The following COPG2 variants were observed in gnomAD, a reference collection of about 807,000 sequenced individuals.
COPG2 encodes the protein coatomer subunit gamma-2.
In COPG2, 37 loss-of-function variants were observed where a neutral mutation model predicts 46.3. The ratio of observed to expected loss-of-function variants is 0.80; its 90% CI spans 0.61 to 1.05. The LOEUF (loss-of-function observed/expected upper bound fraction) is 1.05, where lower values mean the gene tolerates loss of function less well. Ranked by LOEUF, COPG2 falls within the 50% of genes least tolerant of loss-of-function variation. The pLI is 0.00. For synonymous variants in COPG2, 159 were observed against 129.7 expected, an observed-to-expected ratio of 1.23 and a Z score of -1.53; for missense variants, 427 against 387.8, an observed-to-expected ratio of 1.10 and a Z score of -0.85.
At chr7:130,631,172 C>CTTTTT (rs55966949) in intron 5 of COPG2, among the ~76,000 whole-genome samples, 7 of 102,310 alleles carry the variant, frequency 6.8e-5, no homozygotes, top group East Asian at 2.7e-4. Flanking sequence ...TTTTTCTTTT[C>CTTTTT]TTTTTTTTTT....
chr7:130,517,982 G>A (rs1799692859), intron 20 of COPG2, among the ~76,000 whole-genome samples: 1 of 152,228 alleles, frequency 6.6e-6, no homozygotes, highest in South Asian at 2.1e-4. Flanking sequence ...GCCTGAATAC[G>A]AGCAGGAGCC....
chr7:130,539,234 G>C (rs1799912612), intron 20 of COPG2, among the ~76,000 whole-genome samples: 1 of 152,120 alleles, frequency 6.6e-6, no homozygotes, highest in Non-Finnish European at 1.5e-5. Flanking sequence ...GGCTCACTGG[G>C]ACCCTATCCA....
chr7:130,506,762 C>A lies in COPG2; in HGVS notation c.2530G>T (p.Ala844Ser). Residue 844 changes from alanine to serine, a missense_variant, in exon 24 of 24, where the codon GCC (alanine) becomes TCC (serine). Coordinates refer to ENST00000425248, the MANE Select transcript of COPG2 (RefSeq NM_012133.6). ...GYDLLVRSRL[A>S]LADGVTMQVT... is the part of the protein sequence containing the mutation. ...TGCATGGTCACTCCATCGGCTAAGG[C>A]CAGCCTGGACCTCACCAATAAATCA... The A allele has an allele frequency of 1.3e-6, 1 of 780,536 alleles. No individual in the cohort carries two copies. 48.4% of individuals were successfully genotyped at this position (780,536 alleles called of 1,614,324 possible). A position where few individuals can be genotyped will look rare whatever the true frequency, so the allele number is the denominator to read the frequency against.
intron 9 of COPG2, among the ~76,000 whole-genome samples, chr7:130,584,013 A>G (rs1286558721): frequency 6.6e-6 from 1 of 151,804 alleles, no homozygotes; most frequent in Non-Finnish European, 1.5e-5. Flanking sequence ...TAACAAAAAA[A>G]GAAAACTACA....
At chr7:130,644,715 T>C (rs189311939) in intron 5 of COPG2, among the ~76,000 whole-genome samples, 46 of 152,336 alleles carry the variant, frequency 3.0e-4, no homozygotes, top group Non-Finnish European at 4.3e-4. Flanking sequence ...CAGGAACTCA[T>C]TGCCTTGTTG....
At chr7:130,663,302 T>C (rs1406703779) in intron 3 of COPG2, among the ~76,000 whole-genome samples, 1 of 152,146 alleles carries the variant, frequency 6.6e-6, no homozygotes, top group East Asian at 1.9e-4. Context: ...AAACTTTTAG[T>C]AGAAAGTATC....
rs5887469 is a variant in COPG2 at position 130,607,240 on chromosome 7, CATAAATAAATAA to C, written c.737+3701_737+3712del. On this transcript the variant is annotated intron_variant, in intron 9 of 23. Coordinates refer to ENST00000425248, the MANE Select transcript of COPG2 (RefSeq NM_012133.6). ...TTCACAACAGAGTGAGAGAGACTGTCATAAATAAATAAATAAATAAATAAATAAATAAATAAA... is the reference window on the plus strand; with the variant it reads ...TTCACAACAGAGTGAGAGAGACTGTCATAAATAAATAAATAAATAAATAAA... Among the ~76,000 whole-genome samples, 386 of 145,956 alleles carry C rather than the reference CATAAATAAATAA, an allele frequency of 2.6e-3. 3 individuals carry two copies. In the East Asian group the frequency reaches 0.034, roughly 13 times the overall value.
chr7:130,666,620 A>G (rs1796082272), intron 3 of COPG2, among the ~76,000 whole-genome samples: 1 of 152,186 alleles, frequency 6.6e-6, no homozygotes, highest in Admixed American at 6.5e-5. Context: ...AAAAATCTGA[A>G]ATCCAAAACA....
In COPG2 at chr7:130,561,204, G is replaced by C. The variant is rs963944593; in HGVS notation, c.957C>G (p.Pro319=). ...RTLNKVAMKH[P]SAVTACNLDL... is the part of the protein sequence containing the mutation. ...CCAGATTGCAGGCAGTAACAGCAGAGGGGTGCTTCATTGCCACCTTGTGGA... is the reference window on the plus strand; with the variant it reads ...CCAGATTGCAGGCAGTAACAGCAGACGGGTGCTTCATTGCCACCTTGTGGA... Residue 319 remains proline, a synonymous_variant, in exon 12 of 24, where the codon CCC becomes CCG. Transcript: ENST00000425248. 7.5e-6 allele frequency: 3 copies of C among 398,520 alleles called. No individual in the cohort carries two copies. The highest frequency in any genetic ancestry group is 1.3e-5 in the Non-Finnish European group (3 of 226,028). The allele number at this position is 398,520 out of a possible 1,614,324, so 24.7% of individuals were successfully genotyped here. A position where few individuals can be genotyped will look rare whatever the true frequency, so the allele number is the denominator to read the frequency against.
rs201033962 is a variant in COPG2, at chr7:130,626,980, GCTCAAGCAATT to G, written c.324-9926_324-9916del. On this transcript the variant is annotated intron_variant, in intron 5 of 23. Transcript: ENST00000425248. ...CTCATGGCAAACCTCCACCTCCCAGGCTCAAGCAATTCTCTCATCTCAGCCTCCTGAGTAGC... is the reference window on the plus strand; with the variant it reads ...CTCATGGCAAACCTCCACCTCCCAGGCTCTCATCTCAGCCTCCTGAGTAGC... Among the ~76,000 whole-genome samples, 3 of 152,080 alleles carry G rather than the reference GCTCAAGCAATT, an allele frequency of 2.0e-5. No homozygotes were observed. In the East Asian group the frequency reaches 5.8e-4, roughly 29 times the overall value.
intron 5 of COPG2, among the ~76,000 whole-genome samples, chr7:130,651,532 C>T (rs1242512349): frequency 7.9e-4 from 69 of 87,418 alleles, no homozygotes; most frequent in African/African-American, 2.9e-3. Flanking sequence ...TTTTTTGAGA[C>T]GGAGTCTCGC....
chr7:130,608,512 G>C (rs1277721805), intron 9 of COPG2, among the ~76,000 whole-genome samples: 1 of 151,952 alleles, frequency 6.6e-6, no homozygotes, highest in Non-Finnish European at 1.5e-5. Flanking sequence ...AATCCTTTCG[G>C]GTTTTTGTTT....
chr7:130,645,299 C>T, intron 5 of COPG2: 3 of 609,870 alleles, frequency 4.9e-6, no homozygotes, highest in South Asian at 2.7e-5. Context: ...TCCTTCACGA[C>T]GCAATGGGAG....
intron 5 of COPG2, among the ~76,000 whole-genome samples, chr7:130,617,770 A>G (rs1554453103): frequency 6.6e-6 from 1 of 152,212 alleles, no homozygotes; most frequent in Admixed American, 6.5e-5. Context: ...AAGAGGAAGA[A>G]GTTTTGACTG....
In COPG2 at chr7:130,507,797, A is replaced by G. The variant is rs1184033987; in HGVS notation, c.2274T>C (p.Ser758=). 1.8e-5 allele frequency: 14 copies of G among 780,636 alleles called. No homozygotes were observed. The highest frequency in any genetic ancestry group is 2.6e-5 in the Non-Finnish European group (11 of 417,864). 48.4% of individuals were successfully genotyped at this position (780,636 alleles called of 1,614,324 possible). The change falls in exon 22 of 24, where the codon TCT becomes TCC. Residue 758 remains serine, a synonymous_variant. Coordinates refer to ENST00000425248, the MANE Select transcript of COPG2 (RefSeq NM_012133.6). ...YVLEDLEVTV[S]DHIQKVLKPN... ...GCTTCAGTACTTTCTGAATATGGTC[A>G]GACACAGTCACTTCGAGATCTTCCA...
At chr7:130,589,614 T>A (rs1794357321) in intron 9 of COPG2, among the ~76,000 whole-genome samples, 2 of 152,160 alleles carry the variant, frequency 1.3e-5, no homozygotes, top group South Asian at 4.1e-4. Context: ...CACTACCAAA[T>A]TACCTTACAA....
At chr7:130,648,392 C>T (rs1259537890) in intron 5 of COPG2, among the ~76,000 whole-genome samples, 2 of 152,104 alleles carry the variant, frequency 1.3e-5, no homozygotes, top group South Asian at 2.1e-4. Flanking sequence ...TTCCAAGATC[C>T]CCCCAAAGTC....
chr7:130,526,511 C>T (rs1035937479), intron 20 of COPG2, among the ~76,000 whole-genome samples: 2 of 151,814 alleles, frequency 1.3e-5, no homozygotes, highest in African/African-American at 2.4e-5. Flanking sequence ...GGGGGAGTCA[C>T]CTACAGAAGA....
At chr7:130,607,274 T>TAAAG (rs1180283890) in intron 9 of COPG2, among the ~76,000 whole-genome samples, 4 of 151,556 alleles carry the variant, frequency 2.6e-5, no homozygotes, top group Non-Finnish European at 5.9e-5. Flanking sequence ...AATAAATAAA[T>TAAAG]AAATAAATAA....
Sources: allele counts gnomAD v4.1 joint callset (sites outside exome capture counted in the v4.1 genomes callset), GRCh38; gene constraint gnomAD v4.1.1; transcripts MANE v1.5; gene names NCBI Gene and HGNC (gene_info 2026-07-23, HGNC 2026-07-21).